The following C14orf39 variants were observed in gnomAD, a reference collection of about 807,000 sequenced individuals.
C14orf39 encodes the protein protein SIX6OS1.
In C14orf39, 66 loss-of-function variants were observed where a neutral mutation model predicts 85.6. That is an observed-to-expected ratio of 0.77 (90% CI 0.63 to 0.95). The LOEUF is 0.95. C14orf39 is among the 40% of genes least tolerant of loss of function. The probability of loss-of-function intolerance (pLI) is 0.00; values close to 1 mark genes in which losing one functional copy is unlikely to be tolerated. For missense variants in C14orf39, 735 were observed against 663.9 expected (o/e 1.11, Z -1.18); for synonymous variants, 242 against 214.0 (o/e 1.13, Z -1.14).
At chr14:60,464,740 T>C (rs1891702789) in intron 11 of C14orf39, among the ~76,000 whole-genome samples, 1 of 152,122 alleles carries the variant, frequency 6.6e-6, no homozygotes, top group South Asian at 2.1e-4. Context: ...TTGTTTCCGC[T>C]CTTCTGCTTT....
At chr14:60,458,852 GCAACTTCATATGGTT>G in intron 13 of C14orf39, 113 bp from the exon 14 acceptor site, 1 of 749,612 alleles carries the variant, frequency 1.3e-6, no homozygotes, top group African/African-American at 1.8e-5. Context: ...TACAAAAATG[GCAACTTCATATGGTT>G]CAACATAATA....
Position 60,467,062 on chromosome 14 carries a change from T to G in C14orf39, c.768-18A>C. 8.5e-7 allele frequency: 1 copy of G among 1,178,412 alleles called. No homozygotes were observed. Among genetic ancestry groups the G allele is most frequent in the Non-Finnish European group, 1.1e-6 (1 of 888,818 alleles). The allele number at this position is 1,178,412 out of a possible 1,614,324, so 73.0% of individuals were successfully genotyped here. ...CAAAAATTCTAAAGAGAAAGGTGAATTACATTAAATATTAGATAAGTTAAA... is the reference window on the plus strand; with the variant it reads ...CAAAAATTCTAAAGAGAAAGGTGAAGTACATTAAATATTAGATAAGTTAAA... On this transcript the variant is annotated intron_variant, in intron 9 of 17. Transcript: ENST00000321731.
chr14:60,495,894 T>G, intron 2 of C14orf39: 1 of 400,246 alleles, frequency 2.5e-6, no homozygotes, highest in African/African-American at 2.1e-5. Flanking sequence ...TAGAAAGAAC[T>G]CTGGAAGAGC....
intron 9 of C14orf39, among the ~76,000 whole-genome samples, chr14:60,467,381 G>C (rs749689683): frequency 7.3e-5 from 11 of 151,650 alleles, no homozygotes; most frequent in Non-Finnish European, 1.5e-4. Context: ...AGATTTCATG[G>C]TACTTTAAAC....
In C14orf39 at chr14:60,466,074, C is replaced by T; in HGVS notation, c.896-19G>A. ...TTTATATCTAGATTATTAAATAGTA[C>T]TACTTTAAATCAATGCTGGAAACAG... On this transcript the variant is annotated intron_variant, in intron 10 of 17. Transcript: ENST00000321731. 1 of 1,262,928 alleles carries T rather than the reference C, an allele frequency of 7.9e-7. No individual in the cohort carries two copies. The highest frequency in any genetic ancestry group is 1.1e-6 in the Non-Finnish European group (1 of 923,784). The allele number at this position is 1,262,928 out of a possible 1,614,324, so 78.2% of individuals were successfully genotyped here. A position where few individuals can be genotyped will look rare whatever the true frequency, so the allele number is the denominator to read the frequency against.
intron 2 of C14orf39, chr14:60,495,137 G>C (rs1273429868): frequency 9.0e-6 from 2 of 221,652 alleles, no homozygotes; most frequent in Non-Finnish European, 1.9e-5. Context: ...ATCTTACATT[G>C]GAACAGTCTC....
intron 1 of C14orf39, among the ~76,000 whole-genome samples, chr14:60,507,547 A>T (rs1027003959): frequency 2.6e-5 from 4 of 152,208 alleles, no homozygotes; most frequent in Non-Finnish European, 5.9e-5. Context: ...CACAGAAATG[A>T]TGTAAATGGT....
At chr14:60,505,586 A>G (rs964115484) in intron 1 of C14orf39, among the ~76,000 whole-genome samples, 6 of 152,328 alleles carry the variant, frequency 3.9e-5, no homozygotes, top group Admixed American at 2.0e-4. Context: ...AAATCACACA[A>G]AAGACTGGGG....
At chr14:60,487,130 C>A (rs535758251), upstream of C14orf39, among the ~76,000 whole-genome samples, 7 of 152,198 alleles carry the variant, frequency 4.6e-5, no homozygotes, top group Admixed American at 4.6e-4. Flanking sequence ...GTGGTGAGAA[C>A]CTTTAAGATC....
chr14:60,492,462 G>A (rs1893003773), intron 2 of C14orf39, among the ~76,000 whole-genome samples: 1 of 151,924 alleles, frequency 6.6e-6, no homozygotes, highest in Non-Finnish European at 1.5e-5. Flanking sequence ...AGAGACTATG[G>A]CTACAAAAAT....
rs540277237 is a variant in C14orf39 at position 60,512,860 on chromosome 14, C to T, written c.-144+2535G>A. 2.0e-5 allele frequency: 3 copies of T among 152,320 alleles called. No individual in the cohort carries two copies. The South Asian group carries it at 6.2e-4, about 32-fold the overall frequency. 9.4% of individuals were successfully genotyped at this position (152,320 alleles called of 1,614,324 possible). ...GACATTGATCTTTAAATCACTTGAG[C>T]TGACTTCCCTCTTTACTGTCCCCAT... On this transcript the variant is annotated intron_variant, in intron 1 of 5. Coordinates refer to the C14orf39 transcript ENST00000556799.
rs149581876 is a variant in C14orf39, at chr14:60,485,647, G to A, written c.-9+298C>T. Among the ~76,000 whole-genome samples the A allele has an allele frequency of 4.1e-3, 617 of 152,216 alleles. 7 individuals carry two copies. The highest frequency in any genetic ancestry group is 0.014 in the African/African-American group (586 of 41,550). ...GCCTGAGGCGGGGTTCCTGTCTACC[G>A]TGCCCCTCAGAGCCCAGGAACCACA... On this transcript the variant is annotated intron_variant, in intron 1 of 17. Coordinates refer to ENST00000321731, the MANE Select transcript of C14orf39 (RefSeq NM_174978.3).
At chr14:60,482,740 G>A (rs558303150) in intron 4 of C14orf39, among the ~76,000 whole-genome samples, 2 of 152,186 alleles carry the variant, frequency 1.3e-5, no homozygotes, top group African/African-American at 2.4e-5. Flanking sequence ...GAAATACCAC[G>A]GAGCTGTTAA....
chr14:60,490,984 C>A (rs1320307227), upstream of C14orf39, among the ~76,000 whole-genome samples: 1 of 152,174 alleles, frequency 6.6e-6, no homozygotes, highest in African/African-American at 2.4e-5. Context: ...TTCTTCCTCC[C>A]AGACTGTTAG....
At chr14:60,475,725 C>G (rs1019445897) in intron 5 of C14orf39, among the ~76,000 whole-genome samples, 7 of 152,064 alleles carry the variant, frequency 4.6e-5, no homozygotes, top group African/African-American at 1.7e-4. Context: ...AAAAAGCTTG[C>G]CAACTCTAAT....
At position 60,469,621 on chromosome 14, in the gene C14orf39, A is replaced by G; in HGVS notation, c.587T>C (p.Leu196Pro). Residue 196 changes from leucine to proline, a missense_variant, in exon 8 of 18, where the codon CTT (leucine) becomes CCT (proline). Physicochemically the swap from Leu to Pro is moderately conservative, Grantham distance 98. Transcript: ENST00000321731. ...VNLRCETQDI[L>P]KHASNLTKSS... ...TTTGGTAAGATTGCTGGCATGTTTA[A>G]GAATATCTTGTGTTTCACATCTCAA... is the stretch of plus-strand genomic sequence containing the variant. The G allele has an allele frequency of 6.7e-7, 1 of 1,493,920 alleles. No homozygotes were observed. Among genetic ancestry groups the G allele is most frequent in the South Asian group, 1.4e-5 (1 of 73,176 alleles). The allele number at this position is 1,493,920 out of a possible 1,614,324, so 92.5% of individuals were successfully genotyped here.
intron 1 of C14orf39, chr14:60,509,123 C>A: frequency 2.0e-6 from 1 of 502,872 alleles, no homozygotes; most frequent in Non-Finnish European, 3.6e-6. Context: ...CCATGGCGCC[C>A]GCGCCGCCAA....
intron 16 of C14orf39, among the ~76,000 whole-genome samples, chr14:60,445,618 C>T (rs1247466394): frequency 2.6e-5 from 4 of 152,046 alleles, no homozygotes; most frequent in Admixed American, 6.6e-5. Context: ...TAATGGGAGA[C>T]GTTAACACAA....
upstream of C14orf39, among the ~76,000 whole-genome samples, chr14:60,486,249 C>T (rs762693844): frequency 1.3e-5 from 2 of 152,242 alleles, no homozygotes; most frequent in African/African-American, 4.8e-5. Context: ...GAAGTGGGTG[C>T]TGGAGTTAGA....
Sources: allele counts gnomAD v4.1 joint callset (sites outside exome capture counted in the v4.1 genomes callset), GRCh38; gene constraint gnomAD v4.1.1; transcripts MANE v1.5; gene names NCBI Gene and HGNC (gene_info 2026-07-23, HGNC 2026-07-21).